The following MCU variants were observed in gnomAD, a reference collection of about 807,000 sequenced individuals.
MCU encodes mitochondrial calcium uniporter.
A neutral mutation model predicts 45.2 loss-of-function variants in MCU; 12 were observed. That is an observed-to-expected ratio of 0.27 (90% CI 0.17 to 0.43). MCU has a LOEUF of 0.43. Ranked by LOEUF, MCU falls within the 20% of genes least tolerant of loss-of-function variation. The pLI, the probability that MCU is intolerant of heterozygous loss-of-function variation, is 1.00. For synonymous variants in MCU, 160 were observed against 165.1 expected (o/e 0.97, Z 0.24); for missense variants, 324 against 436.7 (o/e 0.74, Z 2.30).
At chr10:72,745,061 TG>T (rs1483534035) in intron 1 of MCU, among the ~76,000 whole-genome samples, 2 of 152,158 alleles carry the variant, frequency 1.3e-5, no homozygotes, top group African/African-American at 4.8e-5. Flanking sequence ...AAATTGTTTT[TG>T]GGTTAGTCTG....
chr10:72,728,564 C>T (rs531981200), intron 1 of MCU, among the ~76,000 whole-genome samples: 10 of 151,992 alleles, frequency 6.6e-5, no homozygotes, highest in Non-Finnish European at 7.4e-5. Flanking sequence ...AAGTGAAAAG[C>T]CCCTGGTTTG....
At chr10:72,839,821 G>A (rs557792462) in intron 2 of MCU, among the ~76,000 whole-genome samples, 127 of 151,538 alleles carry the variant, frequency 8.4e-4, no homozygotes, top group Non-Finnish European at 1.5e-3. Flanking sequence ...AAAATTAGCC[G>A]GGTGTGGTGG....
intron 6 of MCU, among the ~76,000 whole-genome samples, chr10:72,873,589 G>A (rs983331159): frequency 2.0e-5 from 3 of 151,996 alleles, no homozygotes; most frequent in East Asian, 1.9e-4. Flanking sequence ...TTCCTTTGCC[G>A]TACAAGAGCT....
At chr10:72,811,820 A>G (rs951479667) in intron 1 of MCU, among the ~76,000 whole-genome samples, 3 of 152,200 alleles carry the variant, frequency 2.0e-5, no homozygotes, top group African/African-American at 7.2e-5. Context: ...TTTTGAAAAG[A>G]ATTTTACCAA....
intron 1 of MCU, among the ~76,000 whole-genome samples, chr10:72,717,154 A>G (rs1644912316): frequency 6.7e-6 from 1 of 149,792 alleles, no homozygotes; most frequent in Admixed American, 6.6e-5. Context: ...CCCCTGAAGT[A>G]AAAGCAAAGA....
At chr10:72,779,233 G>T (rs1044118801) in intron 1 of MCU, among the ~76,000 whole-genome samples, 10 of 152,148 alleles carry the variant, frequency 6.6e-5, no homozygotes, top group Non-Finnish European at 1.2e-4. Flanking sequence ...TTCCCAAAGT[G>T]CTGGGATTAC....
chr10:72,696,920 G>T (rs1842695076), intron 1 of MCU, among the ~76,000 whole-genome samples: 1 of 152,068 alleles, frequency 6.6e-6, no homozygotes, highest in Admixed American at 6.6e-5. Flanking sequence ...CTTTATGGTG[G>T]ATTGATGGAA....
intron 1 of MCU, among the ~76,000 whole-genome samples, chr10:72,808,546 C>G (rs1172427052): frequency 1.3e-5 from 2 of 152,204 alleles, no homozygotes; most frequent in African/African-American, 4.8e-5. Flanking sequence ...AGTATCCTTT[C>G]AGTACCTTGA....
At chr10:72,884,454 G>T (rs551040567) in intron 7 of MCU, 72 bp downstream of exon 7, 1 of 848,060 alleles carries the variant, frequency 1.2e-6, no homozygotes, top group South Asian at 1.4e-5. Flanking sequence ...CACAGCCACG[G>T]TTCTTCAAAT....
chr10:72,715,048 C>T (rs1469092115), intron 1 of MCU: 2 of 339,726 alleles, frequency 5.9e-6, no homozygotes, highest in African/African-American at 2.2e-5. Flanking sequence ...GAGGTACCCA[C>T]ATTAGCAGGC....
chr10:72,843,324 A>G (rs773906845), intron 2 of MCU, among the ~76,000 whole-genome samples: 6 of 152,176 alleles, frequency 3.9e-5, no homozygotes, highest in African/African-American at 1.2e-4. Flanking sequence ...CCTTCTCCCT[A>G]ACTCCTGGCA....
In MCU at chr10:72,728,131, A is replaced by C. The variant is rs543281647; in HGVS notation, c.150+35830A>C. Among the ~76,000 whole-genome samples the C allele has an allele frequency of 2.0e-5, 3 of 152,322 alleles. No homozygotes were observed. In the South Asian group the frequency reaches 6.2e-4, roughly 32 times the overall value. ...CCTCTGCTATTTCTGCTTCTGAAAGAAAGCTGATATAACTCTGAAATGTTC... is the reference window on the plus strand; with the variant it reads ...CCTCTGCTATTTCTGCTTCTGAAAGCAAGCTGATATAACTCTGAAATGTTC... On this transcript the variant is annotated intron_variant, in intron 1 of 7. Transcript: ENST00000373053.
chr10:72,760,048 A>AT (rs34146931), intron 1 of MCU, among the ~76,000 whole-genome samples: 58 of 146,828 alleles, frequency 4.0e-4, no homozygotes, highest in Middle Eastern at 3.5e-3. Context: ...AAAACTTTAA[A>AT]TTTTTTTTTT....
intron 2 of MCU, among the ~76,000 whole-genome samples, chr10:72,838,852 A>G (rs759785080): frequency 6.6e-6 from 1 of 152,162 alleles, no homozygotes; most frequent in Admixed American, 6.5e-5. Flanking sequence ...AGGTCTGTGC[A>G]TGGTTTTGGG....
At chr10:72,860,116 AGT>A (rs1264256526) in intron 3 of MCU, 1 of 237,428 alleles carries the variant, frequency 4.2e-6, no homozygotes, top group Non-Finnish European at 8.3e-6. Context: ...CATTATAGGC[AGT>A]ATTAAGCCCA....
chr10:72,705,412 T>C (rs1443911899), intron 1 of MCU, among the ~76,000 whole-genome samples: 1 of 152,204 alleles, frequency 6.6e-6, no homozygotes, highest in Non-Finnish European at 1.5e-5. Context: ...TTGGGCGCTG[T>C]GGCTCAAGCC....
chr10:72,822,475 AC>A (rs1416054307), intron 1 of MCU, among the ~76,000 whole-genome samples: 2 of 152,226 alleles, frequency 1.3e-5, no homozygotes, highest in Non-Finnish European at 2.9e-5. Context: ...AACATGACTT[AC>A]CAAAAACCAA....
intron 2 of MCU, among the ~76,000 whole-genome samples, chr10:72,856,986 G>A (rs151200471): frequency 6.7e-6 from 1 of 149,410 alleles, no homozygotes; most frequent in African/African-American, 2.5e-5. Flanking sequence ...CCACTCGGTT[G>A]CTCAGGCTGG....
chr10:72,696,283 G>A (rs192029706), intron 1 of MCU, among the ~76,000 whole-genome samples: 2 of 140,032 alleles, frequency 1.4e-5, no homozygotes, highest in African/African-American at 2.7e-5. Context: ...TATTATATAC[G>A]TAAGCCACTA....
Sources: gnomAD v4.1 joint callset for allele counts (sites outside exome capture counted in the v4.1 genomes callset) on GRCh38, gnomAD v4.1.1 for gene constraint, MANE v1.5 for transcripts, NCBI Gene and HGNC (gene_info 2026-07-23, HGNC 2026-07-21) for gene names.